Variants in ABCA10 observed in about 807,000 individuals in gnomAD.
The protein encoded by ABCA10 is ATP binding cassette subfamily A member 10, also known as ATP-binding cassette sub-family A member 10.
In ABCA10, 169 loss-of-function variants were observed where a neutral mutation model predicts 187.5. That is an observed-to-expected ratio of 0.90 (90% CI 0.80 to 1.02). ABCA10 has a LOEUF of 1.02. Among genes scored for constraint, ABCA10 ranks in the 50% least tolerant of loss-of-function variants. ABCA10 has a pLI of 0.00. For missense variants in ABCA10, 1,727 were observed against 1,812.4 expected, an observed-to-expected ratio of 0.95 and a Z score of 0.86; for synonymous variants, 574 against 601.8, an observed-to-expected ratio of 0.95 and a Z score of 0.68.
intron 22 of ABCA10, among the ~76,000 whole-genome samples, chr17:69,179,419 C>T (rs896508324): frequency 6.6e-6 from 1 of 152,144 alleles, no homozygotes; most frequent in South Asian, 2.1e-4. Flanking sequence ...CCCTCTGGGG[C>T]CCACTGGCCA....
intron 3 of ABCA10, among the ~76,000 whole-genome samples, chr17:69,223,296 A>G (rs902696858): frequency 9.2e-5 from 14 of 152,306 alleles, no homozygotes; most frequent in African/African-American, 3.4e-4. Flanking sequence ...AAAATAGTAC[A>G]CTAGAGGTAA....
chr17:69,214,095 T>G (rs8070459), intron 9 of ABCA10, among the ~76,000 whole-genome samples: 82,824 of 152,158 alleles, frequency 0.54, 24,498 homozygotes, highest in Non-Finnish European at 0.67. Context: ...CATTATTCAA[T>G]AGGTGATTTA....
At chr17:69,222,735 A>C in intron 3 of ABCA10, 38 bp from the exon 4 acceptor site, 1 of 1,518,934 alleles carries the variant, frequency 6.6e-7, no homozygotes, top group Non-Finnish European at 8.8e-7. Flanking sequence ...TAATCATGTA[A>C]ACTTATTACT....
intron 27 of ABCA10, among the ~76,000 whole-genome samples, chr17:69,158,474 C>CAAAT (rs2074191567): frequency 1.3e-5 from 2 of 150,312 alleles, no homozygotes; most frequent in Non-Finnish European, 3.0e-5. Flanking sequence ...AATTTTATGG[C>CAAAT]AAATAAATAA....
In ABCA10 at chr17:69,182,826, A is replaced by G; in HGVS notation, c.2498-18T>C. On this transcript the variant is annotated intron_variant, in intron 20 of 38. Coordinates refer to ENST00000690296, the MANE Select transcript of ABCA10 (RefSeq NM_001377321.1). ...ATTTGATCCTAACATAGTGGAAGGA[A>G]GGCAACAAGAAAAAAAAAAAAAAAG... 2 of 1,477,628 alleles carry G rather than the reference A, an allele frequency of 1.4e-6. No homozygotes were observed. Among genetic ancestry groups the G allele is most frequent in the South Asian group, 1.3e-5 (1 of 76,890 alleles). The allele number at this position is 1,477,628 out of a possible 1,614,324, so 91.5% of individuals were successfully genotyped here.
intron 19 of ABCA10, among the ~76,000 whole-genome samples, chr17:69,186,474 T>C (rs1053681476): frequency 6.6e-6 from 1 of 152,204 alleles, no homozygotes; most frequent in Non-Finnish European, 1.5e-5. Flanking sequence ...ACCCTCCGTC[T>C]ATCTCTCATT....
intron 6 of ABCA10, among the ~76,000 whole-genome samples, chr17:69,217,552 T>A (rs557465323): frequency 1.1e-4 from 16 of 152,194 alleles, no homozygotes; most frequent in African/African-American, 3.4e-4. Context: ...CAGAAATACA[T>A]CCATGCCATG....
intron 15 of ABCA10, among the ~76,000 whole-genome samples, chr17:69,192,861 C>G (rs1039100943): frequency 3.3e-5 from 5 of 152,304 alleles, no homozygotes; most frequent in African/African-American, 1.2e-4. Flanking sequence ...CATAGCTAAT[C>G]CAGTGCCTCA....
intron 9 of ABCA10, among the ~76,000 whole-genome samples, chr17:69,204,001 A>G (rs2074569901): frequency 6.6e-6 from 1 of 152,234 alleles, no homozygotes; most frequent in Non-Finnish European, 1.5e-5. Flanking sequence ...GATCATCACC[A>G]ATACTTGAGT....
At chr17:69,222,505 A>C in intron 4 of ABCA10, 28 bp downstream of exon 4, 7 of 1,495,610 alleles carry the variant, frequency 4.7e-6, no homozygotes, top group Non-Finnish European at 6.2e-6. Context: ...TATCAAAAAA[A>C]AATTATAATC....
intron 25 of ABCA10, among the ~76,000 whole-genome samples, chr17:69,167,900 C>T (rs1375664093): frequency 1.3e-5 from 2 of 151,982 alleles, no homozygotes; most frequent in Non-Finnish European, 2.9e-5. Flanking sequence ...TGTAAAGTTA[C>T]ACCATGTGTG....
chr17:69,162,688 ACTT>A lies in ABCA10; in HGVS notation c.3363+1383_3363+1385del, dbSNP rs371279896. Reference sequence around the variant, plus strand: ...TTGTTCAGTTAGTAACGTAAAAGATACTTCAATGACAAGGTTAAATTCCCAGGA... The same window carrying A: ...TTGTTCAGTTAGTAACGTAAAAGATACAATGACAAGGTTAAATTCCCAGGA... On this transcript the variant is annotated intron_variant, in intron 27 of 38. Transcript: ENST00000690296. Among the ~76,000 whole-genome samples, 212 of 152,252 alleles carry A rather than the reference ACTT, an allele frequency of 1.4e-3. 1 individual carries two copies. Among genetic ancestry groups the A allele is most frequent in the African/African-American group, 4.7e-3 (197 of 41,554 alleles).
At chr17:69,200,545 T>G (rs2074535971) in intron 10 of ABCA10, among the ~76,000 whole-genome samples, 1 of 152,252 alleles carries the variant, frequency 6.6e-6, no homozygotes, top group Admixed American at 6.5e-5. Context: ...AATGTTTTAC[T>G]GATGGCTCTC....
At chr17:69,197,357 C>A (rs1004642839) in intron 10 of ABCA10, among the ~76,000 whole-genome samples, 7 of 145,962 alleles carry the variant, frequency 4.8e-5, no homozygotes, top group African/African-American at 1.8e-4. Context: ...TCTAAGTTAT[C>A]AAATAAATAA....
intron 9 of ABCA10, among the ~76,000 whole-genome samples, chr17:69,208,439 A>AAAG: frequency 6.7e-6 from 1 of 148,750 alleles, no homozygotes; most frequent in African/African-American, 2.5e-5. Flanking sequence ...AAAAAAAAAA[A>AAAG]AAGAATGTAT....
rs1317718764 is a variant in ABCA10, at chr17:69,185,531, GAGA to G, written c.2440_2442del (p.Ser814del). 1.2e-6 allele frequency: 2 copies of G among 1,613,610 alleles called. No homozygotes were observed. Among genetic ancestry groups the G allele is most frequent in the Non-Finnish European group, 1.7e-6 (2 of 1,179,734 alleles). ...AGAGGCGTCTTCGGGATTTGTTCCA[GAGA>G]AAGGAAATACATACTGGGTGAAAAC... On this transcript the variant is annotated inframe_deletion, in exon 20 of 39. Transcript: ENST00000690296.
At chr17:69,176,531 TG>T (rs529863880) in intron 22 of ABCA10, among the ~76,000 whole-genome samples, 37 of 152,148 alleles carry the variant, frequency 2.4e-4, no homozygotes, top group Admixed American at 1.8e-3. Flanking sequence ...AGTAAAGATG[TG>T]GGAAGAACCA....
At chr17:69,205,111 C>G (rs185048558) in intron 9 of ABCA10, among the ~76,000 whole-genome samples, 91 of 151,946 alleles carry the variant, frequency 6.0e-4, no homozygotes, top group Admixed American at 1.0e-3. Context: ...CTGGGTGACA[C>G]AGTGAGACCC....
At chr17:69,215,395 T>A (rs9910035) in intron 8 of ABCA10, 104,196 of 160,328 alleles carry the variant, frequency 0.65, 34,515 homozygotes, top group African/African-American at 0.7. Flanking sequence ...ATGAGGTGGG[T>A]TCTACTGACA....
Sources: allele counts gnomAD v4.1 joint callset (sites outside exome capture counted in the v4.1 genomes callset), GRCh38; gene constraint gnomAD v4.1.1; transcripts MANE v1.5; gene names NCBI Gene and HGNC (gene_info 2026-07-23, HGNC 2026-07-21).